The following NUDT21 variants were observed in gnomAD, a reference collection of about 807,000 sequenced individuals.
The protein encoded by NUDT21 is cleavage and polyadenylation specificity factor subunit 5.
NUDT21 carries 5 observed loss-of-function variants against 29.8 expected under a neutral mutation model. The ratio of observed to expected loss-of-function variants is 0.17; its 90% CI spans 0.09 to 0.35. NUDT21 has a LOEUF of 0.35. Ranked by LOEUF, NUDT21 falls within the 10% of genes least tolerant of loss-of-function variation. The probability of loss-of-function intolerance (pLI) is 1.00; values close to 1 mark genes in which losing one functional copy is unlikely to be tolerated. For synonymous variants in NUDT21, 113 were observed against 98.5 expected, an observed-to-expected ratio of 1.15 and a Z score of -0.87; for missense variants, 76 against 276.0, an observed-to-expected ratio of 0.28 and a Z score of 5.13.
At chr16:56,435,743 T>TATATATATATATATA (rs1491361552) in intron 4 of NUDT21, among the ~76,000 whole-genome samples, 1 of 27,058 alleles carries the variant, frequency 3.7e-5, no homozygotes, top group African/African-American at 1.4e-4. Flanking sequence ...AAAAAAAAAA[T>TATATATATATATATA]TATATATATA....
chr16:56,435,742 A>ATT (rs1555514706), intron 4 of NUDT21, among the ~76,000 whole-genome samples: 2 of 22,198 alleles, frequency 9.0e-5, no homozygotes, highest in South Asian at 1.5e-3. Flanking sequence ...AAAAAAAAAA[A>ATT]TTATATATAT....
chr16:56,441,298 G>A lies in NUDT21; in HGVS notation c.382-1552C>T, dbSNP rs368552286. On this transcript the variant is annotated intron_variant, in intron 3 of 6. Transcript: ENST00000300291. The stretch of plus-strand genomic sequence containing the variant: ...GTTGCCCAGGCTGGAGTGCAGTGCC[G>A]CAATCTTGGCTCACTGCAACCTCCA... 3.8e-4 allele frequency among the ~76,000 whole-genome samples: 58 copies of A among 152,032 alleles called. No individual in the cohort carries two copies. The East Asian group carries it at 9.7e-3, about 25-fold the overall frequency.
At chr16:56,443,573 A>G (rs1052394382) in intron 3 of NUDT21, among the ~76,000 whole-genome samples, 4 of 152,288 alleles carry the variant, frequency 2.6e-5, no homozygotes, top group Middle Eastern at 3.4e-3. Flanking sequence ...CCAATGTGAC[A>G]GTGTTGGCAG....
Position 56,438,187 on chromosome 16 carries a change from T to C in NUDT21, c.471+1470A>G, listed in dbSNP as rs533609334. 6.4e-4 allele frequency among the ~76,000 whole-genome samples: 97 copies of C among 152,256 alleles called. 1 individual carries two copies. The highest frequency in any genetic ancestry group is 2.2e-3 in the African/African-American group (91 of 41,528). The stretch of plus-strand genomic sequence containing the variant: ...TGTGACCAATAGCACACAGCAGAAG[T>C]GATGGTATGCCACTGCCAAGATTAG... On this transcript the variant is annotated intron_variant, in intron 4 of 6. Transcript: ENST00000300291.
intron 3 of NUDT21, among the ~76,000 whole-genome samples, chr16:56,443,811 C>T (rs958779070): frequency 2.3e-4 from 35 of 152,166 alleles, no homozygotes; most frequent in Non-Finnish European, 5.0e-4. Flanking sequence ...CACCAGCTGC[C>T]CAATCTTGCC....
intron 3 of NUDT21, among the ~76,000 whole-genome samples, chr16:56,446,081 T>C (rs1220061772): frequency 6.6e-6 from 1 of 152,180 alleles, no homozygotes; most frequent in East Asian, 1.9e-4. Context: ...CTCAAAATCC[T>C]CAGTATCTAT....
At chr16:56,448,710 C>A (rs111360810) in intron 1 of NUDT21, among the ~76,000 whole-genome samples, 5 of 152,068 alleles carry the variant, frequency 3.3e-5, no homozygotes, top group Admixed American at 6.6e-5. Flanking sequence ...TTTCATCTTG[C>A]CTAATAAGGA....
chr16:56,439,780 A>G (rs1319609944), intron 3 of NUDT21, 34 bp from the exon 4 acceptor site: 1 of 1,498,084 alleles, frequency 6.7e-7, no homozygotes, highest in Non-Finnish European at 9.3e-7. Context: ...AAACAACTAA[A>G]TATATGTACT....
chr16:56,429,942 G>A lies in NUDT21; in HGVS notation c.*2770C>T, dbSNP rs1160146358. ...CATAAGAGCACAACATTTAAGAAAG[G>A]GAATTTTAAGCCGATTGCTTGCTGG... On this transcript the variant is annotated 3_prime_UTR_variant, in exon 7 of 7. Transcript: ENST00000300291. 2 of 152,112 alleles carry A rather than the reference G, an allele frequency of 1.3e-5. No individual in the cohort carries two copies. The highest frequency in any genetic ancestry group is 4.8e-5 in the African/African-American group (2 of 41,420). The allele number at this position is 152,112 out of a possible 1,614,324, so 9.4% of individuals were successfully genotyped here. A position where few individuals can be genotyped will look rare whatever the true frequency, so the allele number is the denominator to read the frequency against.
chr16:56,447,831 G>T lies in NUDT21; in HGVS notation c.275C>A (p.Pro92His). Residue 92 changes from proline to histidine, a missense_variant, in exon 2 of 7, where the codon CCC becomes CAC. By Grantham distance (77) the Pro-to-His change is moderately conservative. Coordinates refer to ENST00000300291, the MANE Select transcript of NUDT21 (RefSeq NM_007006.3). The stretch of plus-strand genomic sequence containing the variant: ...TCCCAGCTGCAGCAGTAACACATGG[G>T]GTAGCCGGTGCTCATGTACAATCAG... ...GVLIVHEHRL[P>H]HVLLLQLGTT... 6 of 1,614,000 alleles carry T rather than the reference G, an allele frequency of 3.7e-6. No homozygotes were observed. Among genetic ancestry groups the T allele is most frequent in the Non-Finnish European group, 5.1e-6 (6 of 1,179,954 alleles).
Position 56,447,827 on chromosome 16 carries a change from A to G in NUDT21, c.279T>C (p.His93=). 1 of 1,614,130 alleles carries G rather than the reference A, an allele frequency of 6.2e-7. No homozygotes were observed. The highest frequency in any genetic ancestry group is 1.1e-5 in the South Asian group (1 of 91,078). The change falls in exon 2 of 7, where the codon CAT becomes CAC. Residue 93 remains histidine, a synonymous_variant. Transcript: ENST00000300291. ...VLIVHEHRLP[H]VLLLQLGTTF... ...TTGTTCCCAGCTGCAGCAGTAACAC[A>G]TGGGGTAGCCGGTGCTCATGTACAA...
intron 4 of NUDT21, among the ~76,000 whole-genome samples, chr16:56,437,154 C>T (rs1962112951): frequency 6.6e-6 from 1 of 152,202 alleles, no homozygotes; most frequent in African/African-American, 2.4e-5. Flanking sequence ...GCTTCCACAG[C>T]CCCTATCTTC....
At chr16:56,446,526 G>C in intron 3 of NUDT21, 100 bp downstream of exon 3, 1 of 631,836 alleles carries the variant, frequency 1.6e-6, no homozygotes, top group East Asian at 2.9e-5. Context: ...TGTATTTATT[G>C]AAAACTAAAT....
chr16:56,439,428 G>A (rs543936427), intron 4 of NUDT21: 18 of 447,794 alleles, frequency 4.0e-5, no homozygotes, highest in African/African-American at 1.6e-4. Context: ...CACCCGCCTC[G>A]GCCTCCTGAA....
At chr16:56,447,566 A>G (rs932445156) in intron 2 of NUDT21, 5 of 520,110 alleles carry the variant, frequency 9.6e-6, no homozygotes, top group Admixed American at 6.6e-5. Flanking sequence ...ACCAAGCTCA[A>G]TCATTAACAT....
At chr16:56,448,484 C>T (rs1028503379) in intron 1 of NUDT21, among the ~76,000 whole-genome samples, 1 of 152,228 alleles carries the variant, frequency 6.6e-6, no homozygotes, top group Middle Eastern at 3.2e-3. Context: ...CAACTATCCT[C>T]AGATTTTTCT....
At chr16:56,445,674 T>C (rs777714032) in intron 3 of NUDT21, among the ~76,000 whole-genome samples, 1 of 152,228 alleles carries the variant, frequency 6.6e-6, no homozygotes, top group Non-Finnish European at 1.5e-5. Flanking sequence ...TACTCTGCAA[T>C]GCTAGATTCT....
chr16:56,442,560 CTTTTTG>C (rs1962171529), intron 3 of NUDT21, among the ~76,000 whole-genome samples: 1 of 152,152 alleles, frequency 6.6e-6, no homozygotes, highest in Admixed American at 6.5e-5. Flanking sequence ...GCTTTTACAT[CTTTTTG>C]TTTTTATTTT....
chr16:56,433,928 A>AC (rs1340144073), intron 6 of NUDT21, among the ~76,000 whole-genome samples: 3 of 151,030 alleles, frequency 2.0e-5, no homozygotes, highest in East Asian at 1.9e-4. Context: ...CTGGTGATAC[A>AC]CCCCCGCCTC....
Sources: gnomAD v4.1 joint callset for allele counts (sites outside exome capture counted in the v4.1 genomes callset) on GRCh38, gnomAD v4.1.1 for gene constraint, MANE v1.5 for transcripts, NCBI Gene and HGNC (gene_info 2026-07-23, HGNC 2026-07-21) for gene names.